Variants in C8orf34 observed in about 807,000 individuals in gnomAD.
The protein encoded by C8orf34 is uncharacterized protein C8orf34.
A neutral mutation model predicts 68.3 loss-of-function variants in C8orf34; 65 were observed. The ratio of observed to expected loss-of-function variants is 0.95; its 90% CI spans 0.78 to 1.17. The LOEUF is 1.17. Ranked by LOEUF, C8orf34 falls within the 50% of genes most tolerant of loss-of-function variation. The pLI is 0.00. For synonymous variants in C8orf34, 244 were observed against 241.2 expected, an observed-to-expected ratio of 1.01 and a Z score of -0.11; for missense variants, 664 against 655.4, an observed-to-expected ratio of 1.01 and a Z score of -0.14.
chr8:68,527,587 A>AAAAAATT (rs1563509141), intron 6 of C8orf34, among the ~76,000 whole-genome samples: 1 of 152,282 alleles, frequency 6.6e-6, no homozygotes, highest in Non-Finnish European at 1.5e-5. Flanking sequence ...AATAAAAAAT[A>AAAAAATT]AAAAATTAAT....
intron 7 of C8orf34, among the ~76,000 whole-genome samples, chr8:68,544,103 A>G (rs904553992): frequency 6.6e-5 from 10 of 152,172 alleles, no homozygotes; most frequent in African/African-American, 2.4e-4. Flanking sequence ...TTGAACACCA[A>G]AAGAAGAAAG....
intron 3 of C8orf34, among the ~76,000 whole-genome samples, chr8:68,460,112 T>TA (rs1811734045): frequency 6.6e-6 from 1 of 152,140 alleles, no homozygotes; most frequent in Non-Finnish European, 1.5e-5. Flanking sequence ...CCGACAAGCT[T>TA]AAAAAACGGA....
intron 4 of C8orf34, among the ~76,000 whole-genome samples, chr8:68,474,657 C>T (rs778430873): frequency 1.3e-5 from 2 of 152,094 alleles, no homozygotes; most frequent in Non-Finnish European, 2.9e-5. Context: ...TCTCACTCAG[C>T]GAATAGTTTC....
At chr8:68,332,980 C>T (rs546865095) in intron 1 of C8orf34, among the ~76,000 whole-genome samples, 6 of 152,066 alleles carry the variant, frequency 3.9e-5, no homozygotes, top group Non-Finnish European at 7.4e-5. Flanking sequence ...TTAATTGCAT[C>T]GAAAGAATCA....
intron 3 of C8orf34, among the ~76,000 whole-genome samples, chr8:68,463,076 CA>C (rs1188150061): frequency 6.6e-6 from 1 of 151,960 alleles, no homozygotes; most frequent in Admixed American, 6.6e-5. Context: ...AGAGAAGAAT[CA>C]AATAGACACA....
chr8:68,359,507 C>T (rs916407268), intron 1 of C8orf34, among the ~76,000 whole-genome samples: 2 of 152,052 alleles, frequency 1.3e-5, no homozygotes, highest in African/African-American at 4.8e-5. Context: ...AGAGACCAAC[C>T]CAGAAGTGCT....
intron 1 of C8orf34, among the ~76,000 whole-genome samples, chr8:68,402,613 C>T (rs988180070): frequency 4.6e-5 from 7 of 152,070 alleles, no homozygotes; most frequent in African/African-American, 1.7e-4. Context: ...TTTCTATTTT[C>T]ATTTGTTTCA....
chr8:68,700,047 A>G (rs1403282672), intron 8 of C8orf34, among the ~76,000 whole-genome samples: 1 of 152,094 alleles, frequency 6.6e-6, no homozygotes, highest in African/African-American at 2.4e-5. Flanking sequence ...CTGCTATTCT[A>G]CTTCATTCTA....
intron 8 of C8orf34, among the ~76,000 whole-genome samples, chr8:68,665,689 G>A (rs912812274): frequency 2.0e-5 from 3 of 151,936 alleles, no homozygotes; most frequent in Admixed American, 6.6e-5. Context: ...ACTGATGTGG[G>A]CTCCACACAG....
chr8:68,726,089 A>C (rs534433338), intron 10 of C8orf34, among the ~76,000 whole-genome samples: 10 of 151,974 alleles, frequency 6.6e-5, no homozygotes, highest in Non-Finnish European at 1.2e-4. Flanking sequence ...TTGTATTTTT[A>C]GTAGAGACCA....
intron 10 of C8orf34, among the ~76,000 whole-genome samples, chr8:68,737,091 T>C (rs1195032316): frequency 6.6e-6 from 1 of 152,132 alleles, no homozygotes; most frequent in Non-Finnish European, 1.5e-5. Flanking sequence ...TAACTCAGGA[T>C]GGCTTTGGAA....
At chr8:68,356,704 T>C (rs1806763266) in intron 1 of C8orf34, among the ~76,000 whole-genome samples, 1 of 152,114 alleles carries the variant, frequency 6.6e-6, no homozygotes, top group Non-Finnish European at 1.5e-5. Context: ...TCCTGGAAGT[T>C]CTTAGCAACA....
At chr8:68,798,484 A>C (rs1824242747) in intron 12 of C8orf34, among the ~76,000 whole-genome samples, 1 of 151,490 alleles carries the variant, frequency 6.6e-6, no homozygotes, top group South Asian at 2.1e-4. Context: ...GGGCATCTAA[A>C]CTCTTATCAG....
intron 3 of C8orf34, among the ~76,000 whole-genome samples, chr8:68,459,058 A>G (rs1373233569): frequency 6.6e-6 from 1 of 152,166 alleles, no homozygotes; most frequent in Non-Finnish European, 1.5e-5. Flanking sequence ...ATTAGCAGAT[A>G]TGATATGGAT....
intron 10 of C8orf34, among the ~76,000 whole-genome samples, chr8:68,759,596 A>T (rs557766912): frequency 1.3e-5 from 2 of 152,290 alleles, no homozygotes; most frequent in East Asian, 3.9e-4. Flanking sequence ...GGGTCTACTG[A>T]ATTTACATAT....
chr8:68,728,186 C>G (rs1468155824), intron 10 of C8orf34, among the ~76,000 whole-genome samples: 2 of 152,180 alleles, frequency 1.3e-5, no homozygotes, highest in African/African-American at 4.8e-5. Context: ...CCACAAATCT[C>G]TAGGACAGGG....
chr8:68,565,313 T>A (rs1017050210), intron 7 of C8orf34, among the ~76,000 whole-genome samples: 1 of 152,158 alleles, frequency 6.6e-6, no homozygotes, highest in African/African-American at 2.4e-5. Flanking sequence ...TCACACTTGG[T>A]TAACTTATTC....
chr8:68,420,151 T>G (rs1809895763), intron 1 of C8orf34, among the ~76,000 whole-genome samples: 1 of 149,428 alleles, frequency 6.7e-6, no homozygotes, highest in Non-Finnish European at 1.5e-5. Context: ...AATTAACCCT[T>G]TTTAAAGAGA....
At chr8:68,695,843 A>G (rs992622313) in intron 8 of C8orf34, 1 of 152,154 alleles carries the variant, frequency 6.6e-6, no homozygotes, top group South Asian at 2.1e-4. Flanking sequence ...TCTATCATCT[A>G]TCCATCCATT....
Sources: allele counts gnomAD v4.1 joint callset (sites outside exome capture counted in the v4.1 genomes callset), GRCh38; gene constraint gnomAD v4.1.1; transcripts MANE v1.5; gene names NCBI Gene and HGNC (gene_info 2026-07-23, HGNC 2026-07-21).